Variants in EPHA3 observed in about 807,000 individuals in gnomAD.
EPHA3 encodes EPH receptor A3.
In EPHA3, 42 loss-of-function variants were observed where a neutral mutation model predicts 107.1. The ratio of observed to expected loss-of-function variants is 0.39; its 90% CI spans 0.31 to 0.51. The LOEUF is 0.51. Ranked by LOEUF, EPHA3 falls within the 20% of genes least tolerant of loss-of-function variation. The probability of loss-of-function intolerance (pLI) is 0.78; values close to 1 mark genes in which losing one functional copy is unlikely to be tolerated. For missense variants in EPHA3, 1,183 were observed against 1,211.2 expected, an observed-to-expected ratio of 0.98 and a Z score of 0.35; for synonymous variants, 461 against 424.8, an observed-to-expected ratio of 1.09 and a Z score of -1.05.
chr3:89,341,991 A>G lies in EPHA3; in HGVS notation c.1207A>G (p.Thr403Ala). 6.2e-7 allele frequency: 1 copy of G among 1,613,148 alleles called. No individual in the cohort carries two copies. The highest frequency in any genetic ancestry group is 8.5e-7 in the Non-Finnish European group (1 of 1,179,812). The change falls in exon 5 of 17, where the codon ACT becomes GCT. Residue 403 changes from threonine to alanine, a missense_variant. Transcript: ENST00000336596. Reference sequence around the variant, plus strand: ...GACAGTGACAGACCTTCTGGCACATACTAACTACACCTTTGAGATTGATGC... The same window carrying G: ...GACAGTGACAGACCTTCTGGCACATGCTAACTACACCTTTGAGATTGATGC... ...TVTVTDLLAH[T>A]NYTFEIDAVN... is the part of the protein sequence containing the mutation.
At chr3:89,307,890 G>A (rs577888350) in intron 3 of EPHA3, among the ~76,000 whole-genome samples, 11 of 152,176 alleles carry the variant, frequency 7.2e-5, no homozygotes, top group African/African-American at 2.4e-4. Flanking sequence ...TTTTTTCCAT[G>A]TACTTCCAAA....
chr3:89,236,217 T>C (rs1038500724), intron 3 of EPHA3, among the ~76,000 whole-genome samples: 7 of 152,070 alleles, frequency 4.6e-5, no homozygotes, highest in African/African-American at 1.4e-4. Flanking sequence ...TAAGCCTTTC[T>C]TCTCCTAAAT....
rs564255867 is a variant in EPHA3 at position 89,123,054 on chromosome 3, G to A, written c.89-4155G>A. Among the ~76,000 whole-genome samples the A allele has an allele frequency of 4.6e-5, 7 of 152,274 alleles. No individual in the cohort carries two copies. In the South Asian group the frequency reaches 6.2e-4, roughly 14 times the overall value. On this transcript the variant is annotated intron_variant, in intron 1 of 16. Coordinates refer to ENST00000336596, the MANE Select transcript of EPHA3 (RefSeq NM_005233.6). ...AACATAACAGTAGAAATCAGTGGCA[G>A]AAATGACATCTAGGTTTCCTCCTTT... is the stretch of plus-strand genomic sequence containing the variant.
chr3:89,111,513 C>A (rs1354644621), intron 1 of EPHA3, among the ~76,000 whole-genome samples: 1 of 135,408 alleles, frequency 7.4e-6, no homozygotes. Flanking sequence ...CTACATCCCC[C>A]CCCCACCCCG....
intron 3 of EPHA3, among the ~76,000 whole-genome samples, chr3:89,286,895 A>G (rs1025345295): frequency 1.3e-5 from 2 of 152,150 alleles, no homozygotes; most frequent in African/African-American, 4.8e-5. Context: ...TATTCTCTGC[A>G]ACATGTCCTT....
chr3:89,466,819 C>G (rs1443186169), intron 15 of EPHA3, among the ~76,000 whole-genome samples: 6 of 101,940 alleles, frequency 5.9e-5, no homozygotes, highest in Non-Finnish European at 1.1e-4. Flanking sequence ...AGCTGTAGAC[C>G]GGAGCTGTTC....
chr3:89,360,955 T>C (rs1298605482), intron 5 of EPHA3, among the ~76,000 whole-genome samples: 1 of 151,036 alleles, frequency 6.6e-6, no homozygotes, highest in Non-Finnish European at 1.5e-5. Context: ...GATAGGTTTG[T>C]TTAAAAAATG....
intron 3 of EPHA3, among the ~76,000 whole-genome samples, chr3:89,324,587 A>G (rs1034099983): frequency 3.9e-5 from 6 of 152,006 alleles, no homozygotes; most frequent in African/African-American, 1.4e-4. Context: ...AAAATTACAT[A>G]TATTTAAGGT....
At chr3:89,449,402 A>G (rs2107553812) in intron 14 of EPHA3, 28 bp downstream of exon 14, 1 of 1,525,306 alleles carries the variant, frequency 6.6e-7, no homozygotes. Flanking sequence ...ATGAGTTATG[A>G]GTTCAGATGA....
chr3:89,245,353 G>T lies in EPHA3; in HGVS notation c.814+34833G>T, dbSNP rs72921792. Among the ~76,000 whole-genome samples, 608 of 152,184 alleles carry T rather than the reference G, an allele frequency of 4.0e-3. 3 individuals carry two copies. The highest frequency in any genetic ancestry group is 0.014 in the African/African-American group (578 of 41,526). On this transcript the variant is annotated intron_variant, in intron 3 of 16. Transcript: ENST00000336596. Reference sequence around the variant, plus strand: ...AAATAGTAAGATATATCAGTGATTTGTTTTTCTTTTAATGCATTTCACAGT... The same window carrying T: ...AAATAGTAAGATATATCAGTGATTTTTTTTTCTTTTAATGCATTTCACAGT...
At chr3:89,435,535 A>G (rs934059632) in intron 13 of EPHA3, among the ~76,000 whole-genome samples, 1 of 146,200 alleles carries the variant, frequency 6.8e-6, no homozygotes, top group Non-Finnish European at 1.5e-5. Flanking sequence ...TATAAATACT[A>G]TATCTATATA....
intron 5 of EPHA3, among the ~76,000 whole-genome samples, chr3:89,373,417 AT>A (rs973307094): frequency 6.6e-6 from 1 of 151,852 alleles, no homozygotes; most frequent in African/African-American, 2.4e-5. Flanking sequence ...TTTCTGCATC[AT>A]TTTCCAACAT....
chr3:89,208,505 G>GGGAAGAAAGGAAGGAAGGGAAAGAAA (rs1706182013), intron 2 of EPHA3, among the ~76,000 whole-genome samples: 1 of 125,100 alleles, frequency 8.0e-6, no homozygotes, highest in Non-Finnish European at 1.7e-5. Flanking sequence ...GAGGGAGGGA[G>GGGAAGAAAGGAAGGAAGGGAAAGAAA]GGAAGAAAGG....
At chr3:89,230,090 A>G (rs1355642334) in intron 3 of EPHA3, among the ~76,000 whole-genome samples, 1 of 152,080 alleles carries the variant, frequency 6.6e-6, no homozygotes, top group Non-Finnish European at 1.5e-5. Flanking sequence ...AAATTTACAG[A>G]TCTAGGCTCA....
intron 3 of EPHA3, among the ~76,000 whole-genome samples, chr3:89,314,423 G>A (rs1415250081): frequency 2.0e-5 from 3 of 151,742 alleles, no homozygotes; most frequent in Non-Finnish European, 4.4e-5. Flanking sequence ...AATAGTGTGG[G>A]AATCAATGCT....
At position 89,431,272 on chromosome 3, in the gene EPHA3, G is replaced by T; in HGVS notation, c.2259G>T (p.Leu753Phe). ...VHRDLAARNI[L>F]INSNLVCKVS... The stretch of plus-strand genomic sequence containing the variant: ...GAGACCTCGCTGCTCGGAACATCTT[G>T]ATCAACAGTAACTTGGTGTGTAAGG... The change falls in exon 13 of 17, where the codon TTG (leucine) becomes TTT (phenylalanine). Residue 753 changes from leucine to phenylalanine, a missense_variant. Transcript: ENST00000336596. The T allele has an allele frequency of 6.2e-7, 1 of 1,613,584 alleles. No homozygotes were observed. Among genetic ancestry groups the T allele is most frequent in the South Asian group, 1.1e-5 (1 of 91,040 alleles).
chr3:89,359,278 GT>G (rs1036402725), intron 5 of EPHA3, among the ~76,000 whole-genome samples: 1 of 150,832 alleles, frequency 6.6e-6, no homozygotes, highest in African/African-American at 2.4e-5. Flanking sequence ...AGTAAGTCAG[GT>G]TTTACTAGTT....
At position 89,341,958 on chromosome 3, in the gene EPHA3, A is replaced by C; in HGVS notation, c.1174A>C (p.Thr392Pro). The change falls in exon 5 of 17, where the codon ACC (threonine) becomes CCC (proline). Residue 392 changes from threonine (T) to proline (P), a missense_variant. Physicochemically the swap from Thr to Pro is conservative, Grantham distance 38. Coordinates refer to ENST00000336596, the MANE Select transcript of EPHA3 (RefSeq NM_005233.6). ...CCCTCGACAGTTTGGACTCACCAAC[A>C]CCACGGTGACAGTGACAGACCTTCT... is the stretch of plus-strand genomic sequence containing the variant. The part of the protein sequence containing the change: ...FLPRQFGLTN[T>P]TVTVTDLLAH... 6.2e-7 allele frequency: 1 copy of C among 1,613,490 alleles called. No individual in the cohort carries two copies. The highest frequency in any genetic ancestry group is 8.5e-7 in the Non-Finnish European group (1 of 1,179,916).
intron 7 of EPHA3, among the ~76,000 whole-genome samples, chr3:89,404,675 T>TCACA (rs1362294701): frequency 2.0e-5 from 3 of 152,204 alleles, no homozygotes; most frequent in Non-Finnish European, 2.9e-5. Context: ...GTTATGTGCT[T>TCACA]TAGATAGCCT....
Sources: gnomAD v4.1 joint callset for allele counts (sites outside exome capture counted in the v4.1 genomes callset) on GRCh38, gnomAD v4.1.1 for gene constraint, MANE v1.5 for transcripts, NCBI Gene and HGNC (gene_info 2026-07-23, HGNC 2026-07-21) for gene names.